FRAS1: variants seen among roughly 807,000 people sequenced by gnomAD.
The protein encoded by FRAS1 is Fraser extracellular matrix complex subunit 1.
FRAS1 carries 290 observed loss-of-function variants against 435.2 expected under a neutral mutation model. That is an observed-to-expected ratio of 0.67 (90% CI 0.61 to 0.73). The LOEUF is 0.73. Among genes scored for constraint, FRAS1 ranks in the 30% least tolerant of loss-of-function variants. The pLI is 0.00. For synonymous variants in FRAS1, 1,800 were observed against 1,851.0 expected, an observed-to-expected ratio of 0.97 and a Z score of 0.71; for missense variants, 4,860 against 5,001.5, an observed-to-expected ratio of 0.97 and a Z score of 0.85.
chr4:78,476,004 A>G (rs1719842062), intron 54 of FRAS1, among the ~76,000 whole-genome samples: 1 of 152,184 alleles, frequency 6.6e-6, no homozygotes, highest in Non-Finnish European at 1.5e-5. Flanking sequence ...GGCTGAGATG[A>G]TGGGAGCTTG....
intron 29 of FRAS1, among the ~76,000 whole-genome samples, chr4:78,393,868 A>G (rs907765887): frequency 6.6e-6 from 1 of 151,944 alleles, no homozygotes; most frequent in Non-Finnish European, 1.5e-5. Flanking sequence ...CCTCCCACCA[A>G]TGTACCAGGA....
At chr4:78,096,940 C>G (rs1382075572) in intron 2 of FRAS1, among the ~76,000 whole-genome samples, 1 of 152,202 alleles carries the variant, frequency 6.6e-6, no homozygotes, top group Non-Finnish European at 1.5e-5. Context: ...AAGGAGAAAT[C>G]TTTTCTATCG....
At chr4:78,368,357 T>A (rs949889464) in intron 22 of FRAS1, among the ~76,000 whole-genome samples, 67 of 150,952 alleles carry the variant, frequency 4.4e-4, no homozygotes, top group African/African-American at 1.6e-3. Flanking sequence ...AGGGAGGTAA[T>A]TTTCCTGCAC....
intron 29 of FRAS1, among the ~76,000 whole-genome samples, chr4:78,393,604 G>A (rs1337121943): frequency 6.6e-6 from 1 of 151,986 alleles, no homozygotes; most frequent in Non-Finnish European, 1.5e-5. Flanking sequence ...GTTGCAAATA[G>A]CAGGATTTCC....
intron 29 of FRAS1, among the ~76,000 whole-genome samples, chr4:78,388,026 C>T (rs112219514): frequency 6.6e-6 from 1 of 152,084 alleles, no homozygotes; most frequent in African/African-American, 2.4e-5. Context: ...TTATCTGCCC[C>T]TCAAAAACAG....
intron 4 of FRAS1, among the ~76,000 whole-genome samples, chr4:78,246,568 A>G (rs1277566909): frequency 6.6e-6 from 1 of 152,226 alleles, no homozygotes; most frequent in African/African-American, 2.4e-5. Context: ...TTTAAATGTC[A>G]CAGAAGAAAA....
intron 33 of FRAS1, among the ~76,000 whole-genome samples, chr4:78,420,920 A>ATATT (rs1200582673): frequency 8.3e-6 from 1 of 120,946 alleles, no homozygotes; most frequent in Non-Finnish European, 1.7e-5. Context: ...ATATATATAT[A>ATATT]TTTATATAAA....
intron 54 of FRAS1, among the ~76,000 whole-genome samples, chr4:78,477,328 G>A (rs1414744595): frequency 1.3e-5 from 2 of 152,160 alleles, no homozygotes; most frequent in Non-Finnish European, 2.9e-5. Context: ...CCCAAGAAGC[G>A]TATGAGGTAG....
intron 59 of FRAS1, among the ~76,000 whole-genome samples, chr4:78,494,604 A>G (rs1439523369): frequency 6.6e-6 from 1 of 152,326 alleles, no homozygotes; most frequent in South Asian, 2.1e-4. Context: ...AACTGTCCCC[A>G]TCACCCAAAC....
Position 78,464,470 on chromosome 4 carries a change from C to A in FRAS1, c.6916C>A (p.His2306Asn), listed in dbSNP as rs372150452. The change falls in exon 49 of 74, where the codon CAC (histidine) becomes AAC (asparagine). Residue 2306 changes from histidine to asparagine, a missense_variant. By Grantham distance (68) the His-to-Asn change is moderately conservative (BLOSUM62 1). Coordinates refer to ENST00000512123, the MANE Select transcript of FRAS1 (RefSeq NM_025074.7). ...GACTCAGACTTTCCATATCACTCTTCACCCTGTCGATGATTCGCTGCCCGT... is the reference window on the plus strand; with the variant it reads ...GACTCAGACTTTCCATATCACTCTTAACCCTGTCGATGATTCGCTGCCCGT... ...EVTQTFHITLHPVDDSLPVVQ... is the reference protein window; with the variant it reads ...EVTQTFHITLNPVDDSLPVVQ... 6.2e-7 allele frequency: 1 copy of A among 1,614,026 alleles called. No homozygotes were observed. Among genetic ancestry groups the A allele is most frequent in the South Asian group, 1.1e-5 (1 of 91,088 alleles).
At chr4:78,505,799 G>C (rs1578363152) in intron 61 of FRAS1, among the ~76,000 whole-genome samples, 1 of 152,160 alleles carries the variant, frequency 6.6e-6, no homozygotes, top group East Asian at 1.9e-4. Context: ...TCCTTTGGAG[G>C]AGAAGAGACA....
intron 2 of FRAS1, among the ~76,000 whole-genome samples, chr4:78,134,942 T>A (rs1719858891): frequency 6.6e-6 from 1 of 152,178 alleles, no homozygotes; most frequent in Non-Finnish European, 1.5e-5. Flanking sequence ...CTAACAATAA[T>A]GTTCTTATTT....
At chr4:78,233,531 T>C (rs1724602656) in intron 2 of FRAS1, among the ~76,000 whole-genome samples, 1 of 152,166 alleles carries the variant, frequency 6.6e-6, no homozygotes, top group Admixed American at 6.5e-5. Context: ...TTAGAAGACA[T>C]TTGCTGAATG....
chr4:78,425,124 A>G (rs554998992), intron 35 of FRAS1, among the ~76,000 whole-genome samples: 2 of 150,782 alleles, frequency 1.3e-5, no homozygotes, highest in African/African-American at 2.4e-5. Flanking sequence ...TAATAATAAT[A>G]ATAATAAATA....
chr4:78,491,482 T>G (rs1720351672), intron 59 of FRAS1, among the ~76,000 whole-genome samples: 1 of 152,224 alleles, frequency 6.6e-6, no homozygotes, highest in Non-Finnish European at 1.5e-5. Flanking sequence ...ATCCCTGGGA[T>G]GCAAGGCTAG....
intron 32 of FRAS1, among the ~76,000 whole-genome samples, chr4:78,413,967 C>T (rs1733454208): frequency 6.6e-6 from 1 of 152,170 alleles, no homozygotes; most frequent in African/African-American, 2.4e-5. Flanking sequence ...GTAAATTAAT[C>T]ATCATGGGTC....
At chr4:78,145,972 A>G (rs1720404591) in intron 2 of FRAS1, among the ~76,000 whole-genome samples, 1 of 152,210 alleles carries the variant, frequency 6.6e-6, no homozygotes, top group East Asian at 1.9e-4. Context: ...ATAATTGTTA[A>G]GTTTCCTGAG....
intron 32 of FRAS1, among the ~76,000 whole-genome samples, chr4:78,416,553 C>T (rs1458354713): frequency 6.6e-6 from 1 of 151,696 alleles, no homozygotes; most frequent in Non-Finnish European, 1.5e-5. Context: ...TACCATTCCT[C>T]AAGATCAGGA....
At chr4:78,105,604 T>A (rs1320018389) in intron 2 of FRAS1, among the ~76,000 whole-genome samples, 2 of 152,200 alleles carry the variant, frequency 1.3e-5, no homozygotes, top group Non-Finnish European at 2.9e-5. Context: ...AGAGGATGTG[T>A]GTTCCTCACC....
Sources: allele counts gnomAD v4.1 joint callset (sites outside exome capture counted in the v4.1 genomes callset), GRCh38; gene constraint gnomAD v4.1.1; transcripts MANE v1.5; gene names NCBI Gene and HGNC (gene_info 2026-07-23, HGNC 2026-07-21).